Variants in CERS5 observed in about 807,000 individuals in gnomAD.
The protein encoded by CERS5 is ceramide synthase 5.
In CERS5, 37 loss-of-function variants were observed where a neutral mutation model predicts 58.9. The observed-to-expected ratio is 0.63, with a 90% CI of 0.48 to 0.83. CERS5 has a LOEUF of 0.83. CERS5 is among the 40% of genes least tolerant of loss of function. The pLI is 0.00. For synonymous variants in CERS5, 147 were observed against 177.8 expected (o/e 0.83, Z 1.38); for missense variants, 398 against 489.3 (o/e 0.81, Z 1.76).
At chr12:50,163,158 A>G (rs536508692) in intron 1 of CERS5, among the ~76,000 whole-genome samples, 22 of 152,144 alleles carry the variant, frequency 1.4e-4, no homozygotes, top group Admixed American at 1.1e-3. Context: ...CTTGGCCTCC[A>G]AAGTGTTGGG....
chr12:50,144,313 C>T, intron 1 of CERS5: 2 of 369,128 alleles, frequency 5.4e-6, no homozygotes, highest in East Asian at 4.8e-5. Flanking sequence ...TGGCTGGAAG[C>T]TTTTTAGAGA....
chr12:50,138,496 G>T, intron 5 of CERS5, 71 bp downstream of exon 5: 2 of 1,278,248 alleles, frequency 1.6e-6, no homozygotes, highest in Non-Finnish European at 2.3e-6. Flanking sequence ...CCTGGGGACT[G>T]GCAAAGGACC....
rs1951232800 is a variant in CERS5 at position 50,130,105 on chromosome 12, T to A, written c.*440A>T. ...CAGTACAGAAATGTGGGACTGAACT[T>A]GGCTGCTCCATTCAGATGGTCCAGG... On this transcript the variant is annotated 3_prime_UTR_variant, in exon 10 of 10. Coordinates refer to ENST00000317551, the MANE Select transcript of CERS5 (RefSeq NM_147190.5). The A allele has an allele frequency of 1.3e-5, 2 of 155,138 alleles. No homozygotes were observed. The allele number at this position is 155,138 out of a possible 1,614,324, so 9.6% of individuals were successfully genotyped here. A position where few individuals can be genotyped will look rare whatever the true frequency, so the allele number is the denominator to read the frequency against.
intron 9 of CERS5, 70 bp downstream of exon 9, chr12:50,134,476 G>A (rs761815739): frequency 8.9e-5 from 144 of 1,612,412 alleles, no homozygotes; most frequent in Non-Finnish European, 1.1e-4. Context: ...AGGTTTGATG[G>A]AGAGAGAACG....
At chr12:50,148,904 CAAAAA>C (rs71083511) in intron 1 of CERS5, among the ~76,000 whole-genome samples, 325 of 71,992 alleles carry the variant, frequency 4.5e-3, no homozygotes, top group African/African-American at 0.016. Flanking sequence ...GACTCCATCT[CAAAAA>C]AAAAAAAAAA....
rs57651378 is a variant in CERS5, at chr12:50,140,284, A to ATTTTTTTTT, written c.493-1676_493-1668dup. Among the ~76,000 whole-genome samples the ATTTTTTTTT allele has an allele frequency of 3.1e-4, 30 of 96,248 alleles. 1 individual carries two copies. The highest frequency in any genetic ancestry group is 8.9e-4 in the African/African-American group (20 of 22,352). 63.1% of individuals were successfully genotyped at this position (96,248 alleles called of 152,430 possible). A position where few individuals can be genotyped will look rare whatever the true frequency, so the allele number is the denominator to read the frequency against. The stretch of plus-strand genomic sequence containing the variant: ...TTGAGAAGAGTTGTTTAACTTCCAA[A>ATTTTTTTTT]TTTTTTTTTTTTTTTTTTTTTTTTT... On this transcript the variant is annotated intron_variant, in intron 4 of 9. Coordinates refer to ENST00000317551, the MANE Select transcript of CERS5 (RefSeq NM_147190.5).
chr12:50,152,203 T>G (rs1938042929), intron 1 of CERS5, among the ~76,000 whole-genome samples: 1 of 152,288 alleles, frequency 6.6e-6, no homozygotes, highest in East Asian at 1.9e-4. Flanking sequence ...TTCATAACAA[T>G]ATTATTATTT....
At chr12:50,166,015 C>A in intron 1 of CERS5, 1 of 443,668 alleles carries the variant, frequency 2.3e-6, no homozygotes, top group South Asian at 1.6e-5. Context: ...TGCAATTCTG[C>A]TAAACTCATT....
chr12:50,133,761 C>G (rs904044961), intron 9 of CERS5: 1 of 985,608 alleles, frequency 1.0e-6, no homozygotes. Context: ...CCTCTTGCGT[C>G]TAAGTCACAT....
rs74090080 is a variant in CERS5, at chr12:50,143,274, G to A, written c.304-70C>T. On this transcript the variant is annotated intron_variant, in intron 2 of 9. Coordinates refer to ENST00000317551, the MANE Select transcript of CERS5 (RefSeq NM_147190.5). ...CCTCCTTCAATCCCATTGACTAGCT[G>A]AGCGACAAGGTATGATAGCCATAAG... 1,115 of 1,567,542 alleles carry A rather than the reference G, an allele frequency of 7.1e-4. 12 individuals are homozygous for A. In the African/African-American group the frequency reaches 0.013, roughly 18 times the overall value.
At chr12:50,148,500 G>A (rs554851400) in intron 1 of CERS5, 24 of 318,712 alleles carry the variant, frequency 7.5e-5, no homozygotes, top group African/African-American at 4.7e-4. Context: ...AGGAGGCTGA[G>A]GTGAGAGGAT....
In CERS5 at chr12:50,137,836, A is replaced by G; in HGVS notation, c.544-16T>C. 6.5e-7 allele frequency: 1 copy of G among 1,533,922 alleles called. No individual in the cohort carries two copies. On this transcript the variant is annotated splice_polypyrimidine_tract_variant and intron_variant, in intron 5 of 9. Coordinates refer to ENST00000317551, the MANE Select transcript of CERS5 (RefSeq NM_147190.5). ...TTGAAAGAGGCTGGAAGAGAGAAAG[A>G]AGTAGTTAGATTACCGGCTAGTCAA...
Position 50,134,720 on chromosome 12 carries a change from A to G in CERS5, c.873-18T>C, listed in dbSNP as rs200017993. The G allele has an allele frequency of 7.6e-5, 122 of 1,606,942 alleles. 1 individual carries two copies. The East Asian group carries it at 1.9e-3, about 25-fold the overall frequency. The stretch of plus-strand genomic sequence containing the variant: ...TCAGAATCCTAGAAGAGGGAGGCCA[A>G]TAGTCAGATTCTAGAGTCAAAGCTC... On this transcript the variant is annotated intron_variant, in intron 8 of 9. Coordinates refer to ENST00000317551, the MANE Select transcript of CERS5 (RefSeq NM_147190.5).
At position 50,134,764 on chromosome 12, in the gene CERS5, T is replaced by C. The variant is rs1013042140; in HGVS notation, c.873-62A>G. 5 of 1,505,248 alleles carry C rather than the reference T, an allele frequency of 3.3e-6. No homozygotes were observed. In the African/African-American group the frequency reaches 6.9e-5, roughly 21 times the overall value. The allele number at this position is 1,505,248 out of a possible 1,614,324, so 93.2% of individuals were successfully genotyped here. A position where few individuals can be genotyped will look rare whatever the true frequency, so the allele number is the denominator to read the frequency against. ...AAAGCTCAGCAGACAGGGATGAAGCTGAGTCCTGGGGATGCAGAGCCCTGT... is the reference window on the plus strand; with the variant it reads ...AAAGCTCAGCAGACAGGGATGAAGCCGAGTCCTGGGGATGCAGAGCCCTGT... On this transcript the variant is annotated intron_variant, in intron 8 of 9. Coordinates refer to ENST00000317551, the MANE Select transcript of CERS5 (RefSeq NM_147190.5).
chr12:50,156,148 T>TC (rs1217158123), intron 1 of CERS5, among the ~76,000 whole-genome samples: 1 of 112,652 alleles, frequency 8.9e-6, no homozygotes, highest in Non-Finnish European at 1.8e-5. Context: ...ACGCCTGTAA[T>TC]CCCAGCACTT....
intron 1 of CERS5, chr12:50,144,959 C>A (rs1249509046): frequency 2.7e-5 from 10 of 366,668 alleles, no homozygotes; most frequent in Non-Finnish European, 5.0e-5. Flanking sequence ...CATAGTGAAA[C>A]CCCGTCTCTA....
intron 9 of CERS5, chr12:50,134,289 G>T: frequency 3.2e-6 from 2 of 633,688 alleles, no homozygotes; most frequent in Non-Finnish European, 4.4e-6. Context: ...TGCAGTGGGA[G>T]AATCCAAGCC....
At chr12:50,137,363 A>G (rs893627694) in intron 6 of CERS5, among the ~76,000 whole-genome samples, 16 of 152,192 alleles carry the variant, frequency 1.1e-4, no homozygotes, top group African/African-American at 3.9e-4. Flanking sequence ...CCCTAATGCC[A>G]TGTGAAAGCC....
chr12:50,167,200 T>A lies in CERS5; in HGVS notation c.98A>T (p.Glu33Val). Residue 33 changes from glutamate (E) to valine (V), a missense_variant, in exon 1 of 10, where the codon GAG becomes GTG. By Grantham distance (121) the Glu-to-Val change is moderately radical. Around this residue, in one of 3 missense-constraint regions of CERS5, gnomAD observed 328 missense variants for 384.5 expected, o/e 0.85. Coordinates refer to ENST00000317551, the MANE Select transcript of CERS5 (RefSeq NM_147190.5). ...GTAACCGTAGCCGTCGGCCGGCCCCTCCAGATCAGCCCAGCTCACGTTCTC... is the reference window on the plus strand; with the variant it reads ...GTAACCGTAGCCGTCGGCCGGCCCCACCAGATCAGCCCAGCTCACGTTCTC... ...LPENVSWADL[E>V]GPADGYGYPR... 1 of 1,603,740 alleles carries A rather than the reference T, an allele frequency of 6.2e-7. No individual in the cohort carries two copies. Among genetic ancestry groups the A allele is most frequent in the Non-Finnish European group, 8.5e-7 (1 of 1,177,070 alleles).
Sources: gnomAD v4.1 joint callset for allele counts (sites outside exome capture counted in the v4.1 genomes callset) on GRCh38, gnomAD v4.1.1 for gene constraint, gnomAD v4.1.1 regional missense constraint, MANE v1.5 for transcripts, NCBI Gene and HGNC (gene_info 2026-07-23, HGNC 2026-07-21) for gene names.